The following LYPLAL1 variants were observed in gnomAD, a reference collection of about 807,000 sequenced individuals.
LYPLAL1 encodes lysophospholipase-like protein 1.
Under a neutral mutation model 19.7 loss-of-function variants are expected in LYPLAL1, and 23 were observed. The ratio of observed to expected loss-of-function variants is 1.17; its 90% CI spans 0.84 to 1.65. The LOEUF (loss-of-function observed/expected upper bound fraction) is 1.65. Among genes scored for constraint, LYPLAL1 ranks in the 40% most tolerant of loss-of-function variants. The probability of loss-of-function intolerance (pLI) is 0.00; values close to 1 mark genes in which losing one functional copy is unlikely to be tolerated. For missense variants in LYPLAL1, 355 were observed against 279.4 expected (o/e 1.27, Z -1.93); for synonymous variants, 119 against 96.3 (o/e 1.24, Z -1.38).
the LYPLAL1 span, among the ~76,000 whole-genome samples, chr1:219,246,601 C>G: frequency 6.6e-6 from 1 of 152,170 alleles, no homozygotes; most frequent in Non-Finnish European, 1.5e-5. Flanking sequence ...TTGTTTTTCT[C>G]TTGGAGACAG....
the LYPLAL1 span, among the ~76,000 whole-genome samples, chr1:219,423,082 G>GT: frequency 7.2e-5 from 11 of 152,108 alleles, no homozygotes; most frequent in Non-Finnish European, 1.3e-4. Context: ...CCACCTTGAT[G>GT]TTTTTGCTCA....
the LYPLAL1 span, chr1:219,435,159 G>C: frequency 6.6e-6 from 1 of 152,154 alleles, no homozygotes; most frequent in African/African-American, 2.4e-5. Flanking sequence ...AGATAAAACT[G>C]CAAATCCTTA....
chr1:219,219,090 C>T, the LYPLAL1 span, among the ~76,000 whole-genome samples: 1 of 152,154 alleles, frequency 6.6e-6, no homozygotes, highest in Non-Finnish European at 1.5e-5. Flanking sequence ...TGTTGCCATT[C>T]ACAGCATCCA....
At chr1:219,334,139 G>A in the LYPLAL1 span, among the ~76,000 whole-genome samples, 1 of 151,936 alleles carries the variant, frequency 6.6e-6, no homozygotes, top group African/African-American at 2.4e-5. Context: ...CTTTGATCAT[G>A]GTTTTGAAAA....
chr1:219,357,859 T>C, the LYPLAL1 span, among the ~76,000 whole-genome samples: 1 of 152,134 alleles, frequency 6.6e-6, no homozygotes, highest in Admixed American at 6.6e-5. Flanking sequence ...AGCAATAAAA[T>C]AAGTTAGCTA....
the LYPLAL1 span, among the ~76,000 whole-genome samples, chr1:219,405,618 A>G: frequency 6.6e-6 from 1 of 152,188 alleles, no homozygotes; most frequent in South Asian, 2.1e-4. Context: ...GCGCATTACT[A>G]TAACTTGACA....
At chr1:219,413,388 T>C in the LYPLAL1 span, among the ~76,000 whole-genome samples, 1 of 152,226 alleles carries the variant, frequency 6.6e-6, no homozygotes, top group Admixed American at 6.5e-5. Context: ...GGACTGCCAC[T>C]GATCCATGTA....
At chr1:219,409,691 G>C in the LYPLAL1 span, 1 of 152,186 alleles carries the variant, frequency 6.6e-6, no homozygotes, top group Non-Finnish European at 1.5e-5. Flanking sequence ...GAGTTCCTCA[G>C]CAGTGTGGTT....
At chr1:219,436,698 CAT>C in the LYPLAL1 span, among the ~76,000 whole-genome samples, 19 of 152,142 alleles carry the variant, frequency 1.2e-4, no homozygotes, top group Admixed American at 5.2e-4. Flanking sequence ...TCATAATAAA[CAT>C]GTGCACTCAA....
the LYPLAL1 span, among the ~76,000 whole-genome samples, chr1:219,391,834 A>G: frequency 1.3e-5 from 2 of 152,116 alleles, no homozygotes; most frequent in Non-Finnish European, 1.5e-5. Context: ...GAAGTTTAAG[A>G]TCTCCCCAAA....
chr1:219,252,055 G>A, the LYPLAL1 span, among the ~76,000 whole-genome samples: 34 of 152,094 alleles, frequency 2.2e-4, no homozygotes, highest in African/African-American at 7.7e-4. Context: ...ATTTGTGAAT[G>A]GGATTGCCTT....
chr1:219,270,159 A>G, the LYPLAL1 span, among the ~76,000 whole-genome samples: 1 of 152,234 alleles, frequency 6.6e-6, no homozygotes, highest in South Asian at 2.1e-4. Context: ...TCAGTCAAAG[A>G]TGCCAAGTGG....
At chr1:219,274,915 A>G in the LYPLAL1 span, among the ~76,000 whole-genome samples, 18 of 152,126 alleles carry the variant, frequency 1.2e-4, no homozygotes, top group African/African-American at 4.3e-4. Context: ...TATAAGTTTT[A>G]TATACTATTC....
the LYPLAL1 span, among the ~76,000 whole-genome samples, chr1:219,395,455 C>A: frequency 6.6e-6 from 1 of 152,030 alleles, no homozygotes; most frequent in African/African-American, 2.4e-5. Context: ...GTCCTTTGCC[C>A]ACTTTTTAGT....
chr1:219,186,110 G>A (rs1656700839), intron 2 of LYPLAL1, among the ~76,000 whole-genome samples: 1 of 151,750 alleles, frequency 6.6e-6, no homozygotes, highest in African/African-American at 2.4e-5. Flanking sequence ...TAACCCATGA[G>A]TTATTTAGAA....
chr1:219,246,883 G>C, the LYPLAL1 span, among the ~76,000 whole-genome samples: 1 of 152,276 alleles, frequency 6.6e-6, no homozygotes, highest in African/African-American at 2.4e-5. Context: ...ACTGTGCCCG[G>C]CCTAACTTAC....
At chr1:219,308,095 G>T in the LYPLAL1 span, among the ~76,000 whole-genome samples, 32 of 152,296 alleles carry the variant, frequency 2.1e-4, no homozygotes, top group East Asian at 4.1e-3. Flanking sequence ...TGAGGAACTT[G>T]TTGTGAACTG....
chr1:219,311,137 GT>G, the LYPLAL1 span, among the ~76,000 whole-genome samples: 1,818 of 142,008 alleles, frequency 0.013, 22 homozygotes, highest in African/African-American at 0.038. Context: ...TAGTCTAAGA[GT>G]TTTTTTTTTT....
chr1:219,300,497 C>T, the LYPLAL1 span, among the ~76,000 whole-genome samples: 12 of 148,158 alleles, frequency 8.1e-5, no homozygotes, highest in Non-Finnish European at 1.5e-4. Context: ...AAAGGGGGGA[C>T]GCTTTGTGAA....
Sources: gnomAD v4.1 joint callset for allele counts (sites outside exome capture counted in the v4.1 genomes callset) on GRCh38, gnomAD v4.1.1 for gene constraint, MANE v1.5 for transcripts, NCBI Gene and HGNC (gene_info 2026-07-23, HGNC 2026-07-21) for gene names.